The following CCKAR variants were observed in gnomAD, a reference collection of about 807,000 sequenced individuals.
CCKAR encodes cholecystokinin receptor type A.
In CCKAR, 21 loss-of-function variants were observed where a neutral mutation model predicts 29.8. The ratio of observed to expected loss-of-function variants is 0.70; its 90% confidence interval spans 0.50 to 1.01. The LOEUF is 1.01. Among genes scored for constraint, CCKAR ranks in the 50% least tolerant of loss-of-function variants. The pLI is 0.00. For synonymous variants in CCKAR, 238 were observed against 221.3 expected, an observed-to-expected ratio of 1.08 and a Z score of -0.67; for missense variants, 570 against 560.6, an observed-to-expected ratio of 1.02 and a Z score of -0.17.
At chr4:26,486,371 A>T (rs1421911762) in intron 2 of CCKAR, among the ~76,000 whole-genome samples, 1 of 152,218 alleles carries the variant, frequency 6.6e-6, no homozygotes, top group Non-Finnish European at 1.5e-5. Context: ...GGAGGCATGA[A>T]GGTTTTTTCT....
In CCKAR at chr4:26,481,636, T is replaced by A; in HGVS notation, c.*2A>T. The A allele has an allele frequency of 1.2e-6, 2 of 1,614,068 alleles. No individual in the cohort carries two copies. Among genetic ancestry groups the A allele is most frequent in the Non-Finnish European group, 1.7e-6 (2 of 1,179,982 alleles). On this transcript the variant is annotated 3_prime_UTR_variant, in exon 5 of 5. Coordinates refer to ENST00000295589, the MANE Select transcript of CCKAR (RefSeq NM_000730.3). ...TTCTGCGGTGGAGGGTCAGGGGACATCTCACTGGGGTGGCACCGAGGCACT... is the reference window on the plus strand; with the variant it reads ...TTCTGCGGTGGAGGGTCAGGGGACAACTCACTGGGGTGGCACCGAGGCACT...
At position 26,481,472 on chromosome 4, in the gene CCKAR, C is replaced by G; in HGVS notation, c.*166G>C. On this transcript the variant is annotated 3_prime_UTR_variant, in exon 5 of 5. Coordinates refer to ENST00000295589, the MANE Select transcript of CCKAR (RefSeq NM_000730.3). ...ATCATGGCCCCACTGGAGCAGTGCT[C>G]TGGAATCCAGATGAAGGATGAAAAG... 2 of 743,448 alleles carry G rather than the reference C, an allele frequency of 2.7e-6. No individual in the cohort carries two copies. Among genetic ancestry groups the G allele is most frequent in the Non-Finnish European group, 4.4e-6 (2 of 450,994 alleles). 46.1% of individuals were successfully genotyped at this position (743,448 alleles called of 1,614,324 possible).
rs750709985 is a variant in CCKAR, at chr4:26,489,375, C to T, written c.222G>A (p.Thr74=). The change falls in exon 2 of 5, where the codon ACG becomes ACA. Residue 74 remains threonine (T), a synonymous_variant. Coordinates refer to ENST00000295589, the MANE Select transcript of CCKAR (RefSeq NM_000730.3). The part of the protein sequence containing the change: ...TVLIRNKRMR[T]VTNIFLLSLA... ...GGGAGAGGAGGAAGATGTTGGTGACCGTCCGCATCCGCTTGTTCCGAATCA... is the reference window on the plus strand; with the variant it reads ...GGGAGAGGAGGAAGATGTTGGTGACTGTCCGCATCCGCTTGTTCCGAATCA... The T allele has an allele frequency of 3.7e-6, 6 of 1,614,134 alleles. No individual in the cohort carries two copies. The highest frequency in any genetic ancestry group is 2.2e-5 in the East Asian group (1 of 44,864).
chr4:26,487,092 C>G (rs1737465969), intron 2 of CCKAR, among the ~76,000 whole-genome samples: 1 of 152,014 alleles, frequency 6.6e-6, no homozygotes, highest in Admixed American at 6.5e-5. Flanking sequence ...CTTAAAATTC[C>G]CTGTAGAGTC....
intron 3 of CCKAR, 148 bp from the exon 4 acceptor site, chr4:26,483,431 T>G (rs1235654859): frequency 3.0e-6 from 2 of 659,340 alleles, no homozygotes; most frequent in Non-Finnish European, 2.4e-6. Flanking sequence ...ACTTCATGTC[T>G]GGAGATTCAG....
At chr4:26,487,897 C>G (rs1737479595) in intron 2 of CCKAR, among the ~76,000 whole-genome samples, 1 of 149,104 alleles carries the variant, frequency 6.7e-6, no homozygotes, top group Non-Finnish European at 1.5e-5. Flanking sequence ...TAACAACGAT[C>G]TTTTTCCTTT....
Position 26,490,196 on chromosome 4 carries a change from A to G in CCKAR, c.72T>C (p.Asn24=), listed in dbSNP as rs202031212. ...ITPPCELGLE[N]ETLFCLDQPR... ...GCTGATCCAAGCAGAAAAGCGTCTCATTTTCGAGCCCGAGTTCACAGGGAG... is the reference window on the plus strand; with the variant it reads ...GCTGATCCAAGCAGAAAAGCGTCTCGTTTTCGAGCCCGAGTTCACAGGGAG... The change falls in exon 1 of 5, where the codon AAT becomes AAC. Residue 24 remains asparagine (N), a synonymous_variant. Transcript: ENST00000295589. 3 of 1,613,612 alleles carry G rather than the reference A, an allele frequency of 1.9e-6. No homozygotes were observed. Among genetic ancestry groups the G allele is most frequent in the East Asian group, 2.2e-5 (1 of 44,830 alleles).
chr4:26,484,151 C>T (rs1737401299), intron 3 of CCKAR, among the ~76,000 whole-genome samples: 1 of 152,202 alleles, frequency 6.6e-6, no homozygotes, highest in Non-Finnish European at 1.5e-5. Context: ...CCCTAAATCA[C>T]TTCTGCAGTC....
In CCKAR at chr4:26,482,001, C is replaced by G. The variant is rs201693594; in HGVS notation, c.924G>C (p.Lys308Asn). The G allele has an allele frequency of 7.4e-6, 12 of 1,614,154 alleles. No individual in the cohort carries two copies. Among genetic ancestry groups the G allele is most frequent in the Non-Finnish European group, 1.0e-5 (12 of 1,180,058 alleles). Residue 308 changes from lysine (K) to asparagine (N), a missense_variant, in exon 5 of 5, where the codon AAG becomes AAC. Physicochemically the swap from Lys to Asn is moderately conservative, Grantham distance 94. Transcript: ENST00000295589. ...SNSSAANLMA[K>N]KRVIRMLIVI... Reference sequence around the variant, plus strand: ...CGATGAGCATGCGGATCACCCTTTTCTTGGCCATCAGGTTGGCTGCGGAGC... The same window carrying G: ...CGATGAGCATGCGGATCACCCTTTTGTTGGCCATCAGGTTGGCTGCGGAGC...
chr4:26,482,331 C>T (rs1270167231), intron 4 of CCKAR, among the ~76,000 whole-genome samples, 161 bp from the exon 5 acceptor site: 1 of 152,142 alleles, frequency 6.6e-6, no homozygotes, highest in Non-Finnish European at 1.5e-5. Context: ...TTGATCTATA[C>T]TAGTTCTTCC....
chr4:26,485,747 G>A lies in CCKAR; in HGVS notation c.516C>T (p.Ile172=), dbSNP rs201386432. Residue 172 remains isoleucine, a synonymous_variant, in exon 3 of 5, where the codon ATC becomes ATT. Transcript: ENST00000295589. The part of the protein sequence containing the change: ...IAATWCLSFT[I]MTPYPIYSNL... Reference sequence around the variant, plus strand: ...TGCTATAAATGGGGTACGGAGTCATGATGGTAAAGGAAAGGCACCAGGTAG... The same window carrying A: ...TGCTATAAATGGGGTACGGAGTCATAATGGTAAAGGAAAGGCACCAGGTAG... 1.2e-6 allele frequency: 2 copies of A among 1,614,064 alleles called. No homozygotes were observed. The highest frequency in any genetic ancestry group is 1.7e-6 in the Non-Finnish European group (2 of 1,180,040).
At chr4:26,484,298 G>A (rs994441237) in intron 3 of CCKAR, among the ~76,000 whole-genome samples, 4 of 152,110 alleles carry the variant, frequency 2.6e-5, no homozygotes, top group South Asian at 2.1e-4. Flanking sequence ...CATTTGCAAC[G>A]TAATTCCTTT....
intron 2 of CCKAR, among the ~76,000 whole-genome samples, chr4:26,488,460 G>T (rs1737490125): frequency 6.6e-6 from 1 of 152,198 alleles, no homozygotes; most frequent in East Asian, 1.9e-4. Context: ...GTAAGATCAT[G>T]GAAGGCAAAG....
chr4:26,489,030 G>A (rs3822222), intron 2 of CCKAR, among the ~76,000 whole-genome samples: 22,399 of 152,114 alleles, frequency 0.15, 1,785 homozygotes, highest in South Asian at 0.31. Flanking sequence ...CAACATGGAT[G>A]ATGGGGACCG....
At chr4:26,482,591 A>G (rs1737371987) in intron 4 of CCKAR, among the ~76,000 whole-genome samples, 1 of 152,208 alleles carries the variant, frequency 6.6e-6, no homozygotes. Flanking sequence ...TTATCTGTGT[A>G]GTAGACAGCT....
chr4:26,482,617 G>A (rs1737372737), intron 4 of CCKAR, among the ~76,000 whole-genome samples: 1 of 152,212 alleles, frequency 6.6e-6, no homozygotes, highest in Admixed American at 6.5e-5. Context: ...AGGGCATGGA[G>A]TGAGAAGGGA....
chr4:26,483,037 A>G (rs2109878106), intron 4 of CCKAR, 119 bp downstream of exon 4: 2 of 976,874 alleles, frequency 2.0e-6, no homozygotes, highest in South Asian at 2.0e-5. Context: ...AGAATCTCAT[A>G]AGAATACTTA....
chr4:26,489,122 G>T, intron 2 of CCKAR, 111 bp downstream of exon 2: 1 of 1,335,882 alleles, frequency 7.5e-7, no homozygotes, highest in Non-Finnish European at 1.1e-6. Flanking sequence ...GATGTTCTGT[G>T]ATTCAGCCCT....
At chr4:26,489,085 G>A in intron 2 of CCKAR, 148 bp downstream of exon 2, 1 of 998,926 alleles carries the variant, frequency 1.0e-6, no homozygotes, top group South Asian at 1.5e-5. Flanking sequence ...CAGCACCAAT[G>A]TCCGTGCACA....
Sources: allele counts gnomAD v4.1 joint callset (sites outside exome capture counted in the v4.1 genomes callset), GRCh38; gene constraint gnomAD v4.1.1; transcripts MANE v1.5; gene names NCBI Gene and HGNC (gene_info 2026-07-23, HGNC 2026-07-21).